SLC16A7: variants seen among roughly 807,000 people sequenced by gnomAD.
The protein encoded by SLC16A7 is solute carrier family 16 member 7, also known as monocarboxylate transporter 2.
A neutral mutation model predicts 34.9 loss-of-function variants in SLC16A7; 33 were observed. The ratio of observed to expected loss-of-function variants is 0.94; its 90% CI spans 0.72 to 1.26. SLC16A7 has a LOEUF of 1.26. SLC16A7 is among the 50% of genes most tolerant of loss of function. The probability of loss-of-function intolerance (pLI) is 0.00; values close to 1 mark genes in which losing one functional copy is unlikely to be tolerated. For missense variants in SLC16A7, 573 were observed against 578.1 expected (o/e 0.99, Z 0.09); for synonymous variants, 201 against 206.6 (o/e 0.97, Z 0.23).
At chr12:59,633,504 T>C (rs1012976415) in intron 1 of SLC16A7, among the ~76,000 whole-genome samples, 4 of 152,018 alleles carry the variant, frequency 2.6e-5, no homozygotes, top group Non-Finnish European at 2.9e-5. Context: ...CCTAGTGTGG[T>C]GCTTCATTTT....
intron 3 of SLC16A7, among the ~76,000 whole-genome samples, chr12:59,723,827 GT>G (rs1427095336): frequency 6.6e-6 from 1 of 151,816 alleles, no homozygotes; most frequent in Non-Finnish European, 1.5e-5. Context: ...ATACGTATTT[GT>G]TTTCTACTGT....
At chr12:59,720,188 G>C (rs1428964053) in intron 3 of SLC16A7, 5 of 663,320 alleles carry the variant, frequency 7.5e-6, no homozygotes, top group Admixed American at 2.3e-5. Context: ...TTCCAGTTTG[G>C]AATCTTCCTA....
At position 59,646,266 on chromosome 12, in the gene SLC16A7, T is replaced by C. The variant is rs138006870; in HGVS notation, c.-129-8886T>C. Among the ~76,000 whole-genome samples the C allele has an allele frequency of 3.5e-3, 539 of 152,248 alleles. 5 individuals carry two copies. The highest frequency in any genetic ancestry group is 0.01 in the Admixed American group (158 of 15,300). On this transcript the variant is annotated intron_variant, in intron 1 of 5. Transcript: ENST00000547379. ...TTGGAGGCCTAGGAGGGAAAAATCA[T>C]TTCCTGGGCTGGGCCCAGGGCCCCC...
chr12:59,746,511 G>T (rs1878905707), intron 3 of SLC16A7, among the ~76,000 whole-genome samples: 1 of 152,108 alleles, frequency 6.6e-6, no homozygotes, highest in African/African-American at 2.4e-5. Flanking sequence ...AAAGTCTAAA[G>T]AAAACTTAGA....
At chr12:59,768,585 C>T (rs1014678988) in intron 3 of SLC16A7, among the ~76,000 whole-genome samples, 4 of 152,056 alleles carry the variant, frequency 2.6e-5, no homozygotes, top group Admixed American at 2.6e-4. Flanking sequence ...AGAATTGACT[C>T]CAGTTTAGAA....
At chr12:59,755,702 A>G (rs138470416) in intron 3 of SLC16A7, among the ~76,000 whole-genome samples, 6,826 of 152,232 alleles carry the variant, frequency 0.045, 486 homozygotes, top group African/African-American at 0.16. Context: ...TCTAGTTTCA[A>G]TGCCATCCCC....
intron 2 of SLC16A7, among the ~76,000 whole-genome samples, chr12:59,686,809 G>T (rs972932055): frequency 4.0e-5 from 6 of 151,834 alleles, no homozygotes; most frequent in Non-Finnish European, 8.8e-5. Flanking sequence ...CCTTCAAAAA[G>T]ATTTTAAGAG....
intron 1 of SLC16A7, among the ~76,000 whole-genome samples, chr12:59,614,915 A>C (rs1398540346): frequency 6.6e-6 from 1 of 151,080 alleles, no homozygotes; most frequent in Non-Finnish European, 1.5e-5. Context: ...AGGCAGGAGA[A>C]TCACTTGAGC....
At chr12:59,660,784 T>G (rs1451445239) in intron 2 of SLC16A7, among the ~76,000 whole-genome samples, 1 of 152,080 alleles carries the variant, frequency 6.6e-6, no homozygotes, top group Non-Finnish European at 1.5e-5. Context: ...TAAGTTTTAT[T>G]TAAGATGTAA....
intron 3 of SLC16A7, among the ~76,000 whole-genome samples, chr12:59,765,865 T>G (rs1227651203): frequency 6.6e-6 from 1 of 152,182 alleles, no homozygotes; most frequent in East Asian, 1.9e-4. Flanking sequence ...TCCAATTCTG[T>G]GAAGAAAGTA....
chr12:59,670,907 G>C (rs1378010272), intron 2 of SLC16A7, among the ~76,000 whole-genome samples: 1 of 152,128 alleles, frequency 6.6e-6, no homozygotes, highest in Non-Finnish European at 1.5e-5. Flanking sequence ...CTGCCCTCTA[G>C]ACATAAGAAA....
intron 2 of SLC16A7, among the ~76,000 whole-genome samples, chr12:59,696,916 C>G (rs1872368158): frequency 6.6e-6 from 1 of 151,678 alleles, no homozygotes; most frequent in South Asian, 2.1e-4. Context: ...AGGAAATATG[C>G]TGAAAACAGA....
At chr12:59,753,803 AT>A (rs1052618967) in intron 3 of SLC16A7, among the ~76,000 whole-genome samples, 3 of 152,190 alleles carry the variant, frequency 2.0e-5, no homozygotes, top group South Asian at 2.1e-4. Context: ...CAGAATATAC[AT>A]TTTTTTCAGC....
intron 3 of SLC16A7, chr12:59,733,686 T>C (rs1877231705): frequency 2.2e-6 from 1 of 455,738 alleles, no homozygotes; most frequent in Non-Finnish European, 4.4e-6. Context: ...GCCCTGGTTA[T>C]GTTACAACTG....
At chr12:59,690,983 C>A (rs906109005) in intron 2 of SLC16A7, among the ~76,000 whole-genome samples, 9 of 151,890 alleles carry the variant, frequency 5.9e-5, no homozygotes, top group African/African-American at 2.2e-4. Context: ...GTACAACTCA[C>A]AACCAAGTAA....
intron 3 of SLC16A7, among the ~76,000 whole-genome samples, chr12:59,745,130 G>T (rs2706288): frequency 0.045 from 6,838 of 152,120 alleles, 491 homozygotes; most frequent in African/African-American, 0.16. Flanking sequence ...TTCATCCTTA[G>T]ACTGCTTCTC....
In SLC16A7 at chr12:59,779,658, AG is replaced by A; in HGVS notation, c.1417del (p.Glu473LysfsTer21). 6.2e-7 allele frequency: 1 copy of A among 1,609,126 alleles called. No homozygotes were observed. The highest frequency in any genetic ancestry group is 1.1e-5 in the South Asian group (1 of 90,542). ...TTTCAAATGCACAGAGTGTAACCTC[AG>A]AAAGAGAAACTAACATTTAACAAGA... The part of the protein sequence containing the change: ...KVSNAQSVTS[E>X]RETNI On this transcript the variant is annotated frameshift_variant, in exon 6 of 6. Transcript: ENST00000547379. LOFTEE classifies it high-confidence loss of function.
chr12:59,753,092 C>G lies in SLC16A7; in HGVS notation c.218-18127C>G, dbSNP rs1050314773. 1.4e-3 allele frequency among the ~76,000 whole-genome samples: 217 copies of G among 152,236 alleles called. 1 individual carries two copies. The highest frequency in any genetic ancestry group is 6.8e-3 in the Middle Eastern group (2 of 294). On this transcript the variant is annotated intron_variant, in intron 3 of 5. Coordinates refer to ENST00000547379, the MANE Select transcript of SLC16A7 (RefSeq NM_001270623.2). ...TCACCACAAGGCCTGCCCTAAAAGACCTCCTGAAGGAAGCACTAAACCTGG... is the reference window on the plus strand; with the variant it reads ...TCACCACAAGGCCTGCCCTAAAAGAGCTCCTGAAGGAAGCACTAAACCTGG...
At chr12:59,743,394 TAGAGA>T (rs1878546974) in intron 3 of SLC16A7, among the ~76,000 whole-genome samples, 1 of 152,216 alleles carries the variant, frequency 6.6e-6, no homozygotes, top group Non-Finnish European at 1.5e-5. Context: ...ATCTCTAAAT[TAGAGA>T]AAAGGATACA....
Sources: allele counts gnomAD v4.1 joint callset (sites outside exome capture counted in the v4.1 genomes callset), GRCh38; gene constraint gnomAD v4.1.1; transcripts MANE v1.5; gene names NCBI Gene and HGNC (gene_info 2026-07-23, HGNC 2026-07-21).